PPP1R1C: variants seen among roughly 807,000 people sequenced by gnomAD.
PPP1R1C encodes the protein protein phosphatase 1 regulatory subunit 1C.
In PPP1R1C, 15 loss-of-function variants were observed where a neutral mutation model predicts 17.4. The observed-to-expected ratio is 0.86, with a 90% confidence interval of 0.58 to 1.33. PPP1R1C has a LOEUF of 1.33. PPP1R1C is among the 40% of genes most tolerant of loss of function. PPP1R1C has a pLI of 0.00. For missense variants in PPP1R1C, 143 were observed against 130.0 expected (o/e 1.10, Z -0.48); for synonymous variants, 35 against 43.1 (o/e 0.81, Z 0.73).
intron 2 of PPP1R1C, among the ~76,000 whole-genome samples, chr2:182,004,695 A>T (rs1232542873): frequency 2.0e-5 from 3 of 152,226 alleles, no homozygotes; most frequent in Non-Finnish European, 2.9e-5. Context: ...TAGGATTAGG[A>T]ACCACGAGAT....
rs1293924328 is a variant in PPP1R1C, at chr2:182,027,613, C to G, written c.143-33829C>G. Among the ~76,000 whole-genome samples the G allele has an allele frequency of 3.3e-5, 4 of 121,978 alleles. No homozygotes were observed. In the East Asian group the frequency reaches 9.8e-4, roughly 30 times the overall value. 80.0% of individuals were successfully genotyped at this position (121,978 alleles called of 152,430 possible). ...TGATGTGCTGCTGGATTCGGTTTGC[C>G]AGTATTTTATTGAGGATTTTTGCAT... On this transcript the variant is annotated intron_variant, in intron 2 of 4. Transcript: ENST00000682840.
downstream of PPP1R1C, among the ~76,000 whole-genome samples, chr2:182,121,146 A>C (rs1470393981): frequency 6.6e-6 from 1 of 152,202 alleles, no homozygotes; most frequent in Non-Finnish European, 1.5e-5. Context: ...AACAGAAACT[A>C]TATTTCCCAG....
chr2:182,094,186 T>C (rs994808507), intron 4 of PPP1R1C, among the ~76,000 whole-genome samples: 2 of 152,158 alleles, frequency 1.3e-5, no homozygotes, highest in African/African-American at 4.8e-5. Flanking sequence ...ATGTGGATGG[T>C]GGCAGGCAAA....
chr2:181,981,025 T>C (rs1574349774), upstream of PPP1R1C, among the ~76,000 whole-genome samples: 1 of 143,954 alleles, frequency 6.9e-6, no homozygotes, highest in Admixed American at 7.1e-5. Context: ...GCCTCCCGGG[T>C]TCACGCCATT....
chr2:182,114,839 C>G (rs1689536802), intron 4 of PPP1R1C, among the ~76,000 whole-genome samples: 2 of 152,084 alleles, frequency 1.3e-5, no homozygotes, highest in South Asian at 4.1e-4. Context: ...TTTCGTATAA[C>G]TTTGTGACTA....
At chr2:182,004,683 G>T (rs1685864590) in intron 2 of PPP1R1C, among the ~76,000 whole-genome samples, 1 of 152,208 alleles carries the variant, frequency 6.6e-6, no homozygotes. Context: ...TCTCAAAAGA[G>T]TTAGGATTAG....
chr2:182,075,931 A>G (rs139167800), intron 4 of PPP1R1C, among the ~76,000 whole-genome samples: 104 of 152,242 alleles, frequency 6.8e-4, no homozygotes, highest in African/African-American at 2.4e-3. Context: ...TAATGCTCAC[A>G]TTATGTAAAA....
Position 181,999,796 on chromosome 2 carries a change from A to G in PPP1R1C, c.142+11897A>G, listed in dbSNP as rs562591669. On this transcript the variant is annotated intron_variant, in intron 2 of 4. Transcript: ENST00000682840. Reference sequence around the variant, plus strand: ...AGCTAAAAACAAAAAAAAAAAGATAACCAAATAGAAAAAAGTAAATATCAT... The same window carrying G: ...AGCTAAAAACAAAAAAAAAAAGATAGCCAAATAGAAAAAAGTAAATATCAT... Among the ~76,000 whole-genome samples, 3 of 152,168 alleles carry G rather than the reference A, an allele frequency of 2.0e-5. No individual in the cohort carries two copies. In the East Asian group the frequency reaches 5.8e-4, roughly 29 times the overall value.
intron 2 of PPP1R1C, among the ~76,000 whole-genome samples, chr2:182,037,984 T>A (rs897930143): frequency 6.6e-6 from 1 of 152,058 alleles, no homozygotes; most frequent in Admixed American, 6.6e-5. Context: ...GGAGAATAAT[T>A]GGGTTATAAT....
intron 4 of PPP1R1C, among the ~76,000 whole-genome samples, chr2:182,108,941 C>G (rs1689336178): frequency 6.6e-6 from 1 of 152,198 alleles, no homozygotes; most frequent in African/African-American, 2.4e-5. Context: ...TTGCCAAACT[C>G]TCTCTCAAAG....
At chr2:182,083,377 T>C (rs1195364354) in intron 4 of PPP1R1C, among the ~76,000 whole-genome samples, 1 of 152,192 alleles carries the variant, frequency 6.6e-6, no homozygotes, top group Non-Finnish European at 1.5e-5. Flanking sequence ...GTAACTGATA[T>C]GTAGTTTTTT....
chr2:182,089,556 G>GT (rs1204860132), intron 4 of PPP1R1C, among the ~76,000 whole-genome samples: 3 of 152,120 alleles, frequency 2.0e-5, no homozygotes, highest in Non-Finnish European at 4.4e-5. Context: ...TATGGATTGT[G>GT]TATTTTGTCT....
chr2:182,108,365 C>G (rs1223845375), intron 4 of PPP1R1C, among the ~76,000 whole-genome samples: 1 of 152,082 alleles, frequency 6.6e-6, no homozygotes, highest in Admixed American at 6.5e-5. Flanking sequence ...GGACAGTCTT[C>G]TTTTTCTGTG....
intron 4 of PPP1R1C, among the ~76,000 whole-genome samples, chr2:182,097,416 G>A (rs1174554737): frequency 2.0e-5 from 3 of 152,062 alleles, no homozygotes; most frequent in Non-Finnish European, 2.9e-5. Context: ...ATTGGGAATC[G>A]CTTCTGTATA....
intron 4 of PPP1R1C, among the ~76,000 whole-genome samples, chr2:182,065,787 A>G (rs1313672684): frequency 3.3e-5 from 5 of 152,172 alleles, no homozygotes; most frequent in African/African-American, 9.6e-5. Flanking sequence ...CTTGTTCTAC[A>G]TCTTGTCATT....
At chr2:182,080,439 G>GACCT (rs1263467715) in intron 4 of PPP1R1C, among the ~76,000 whole-genome samples, 2 of 152,198 alleles carry the variant, frequency 1.3e-5, no homozygotes, top group Non-Finnish European at 2.9e-5. Flanking sequence ...GTCCTGTAGA[G>GACCT]TGGATCTTGA....
upstream of PPP1R1C, among the ~76,000 whole-genome samples, chr2:181,984,928 A>G (rs1685261609): frequency 6.6e-6 from 1 of 152,194 alleles, no homozygotes; most frequent in Non-Finnish European, 1.5e-5. Context: ...CCCCTTTAAC[A>G]TTAACTAATG....
At chr2:182,037,415 C>T (rs1318891835) in intron 2 of PPP1R1C, among the ~76,000 whole-genome samples, 1 of 152,032 alleles carries the variant, frequency 6.6e-6, no homozygotes, top group Non-Finnish European at 1.5e-5. Context: ...GGTGAAACCC[C>T]GTCTCTACTA....
chr2:182,087,793 T>C (rs188407365), intron 4 of PPP1R1C, among the ~76,000 whole-genome samples: 1 of 152,342 alleles, frequency 6.6e-6, no homozygotes, highest in East Asian at 1.9e-4. Context: ...ACACAACTTT[T>C]GGTCAGAGTC....
Sources: allele counts gnomAD v4.1 joint callset (sites outside exome capture counted in the v4.1 genomes callset), GRCh38; gene constraint gnomAD v4.1.1; transcripts MANE v1.5; gene names NCBI Gene and HGNC (gene_info 2026-07-23, HGNC 2026-07-21).